Variants in FAM13C observed in about 807,000 individuals in gnomAD.
FAM13C encodes protein FAM13C.
FAM13C carries 37 observed loss-of-function variants against 73.2 expected under a neutral mutation model. The observed-to-expected ratio is 0.51, with a 90% confidence interval of 0.39 to 0.67. The LOEUF (loss-of-function observed/expected upper bound fraction) is 0.67, where lower values mean the gene tolerates loss of function less well. Among genes scored for constraint, FAM13C ranks in the 30% least tolerant of loss-of-function variants. FAM13C has a pLI of 0.00. For synonymous variants in FAM13C, 246 were observed against 260.9 expected, an observed-to-expected ratio of 0.94 and a Z score of 0.55; for missense variants, 589 against 715.6, an observed-to-expected ratio of 0.82 and a Z score of 2.02.
intron 3 of FAM13C, among the ~76,000 whole-genome samples, chr10:59,345,050 G>T (rs1854115024): frequency 6.6e-6 from 1 of 152,096 alleles, no homozygotes; most frequent in Non-Finnish European, 1.5e-5. Context: ...CTTTAAATTA[G>T]AATTTATTTA....
Position 59,328,039 on chromosome 10 carries a change from C to T in FAM13C, c.325-3933G>A, listed in dbSNP as rs565498600. Among the ~76,000 whole-genome samples the T allele has an allele frequency of 1.6e-4, 24 of 152,300 alleles. 1 individual carries two copies. In the East Asian group the frequency reaches 4.3e-3, roughly 27 times the overall value. ...ACCTGGAAGAAAAGGCATCCCACAT[C>T]TTTTCCTGTTCCCAGCCATCTTCAT... On this transcript the variant is annotated intron_variant, in intron 3 of 13. Transcript: ENST00000618804.
chr10:59,351,588 C>T (rs12573633), intron 3 of FAM13C, among the ~76,000 whole-genome samples: 25,648 of 152,140 alleles, frequency 0.17, 2,536 homozygotes, highest in East Asian at 0.33. Context: ...ACTGAGACTT[C>T]TGATTTTGCT....
At chr10:59,268,787 G>A in intron 7 of FAM13C, 96 bp from the exon 8 acceptor site, 1 of 1,432,854 alleles carries the variant, frequency 7.0e-7, no homozygotes, top group Non-Finnish European at 9.3e-7. Context: ...GATTGTCAGA[G>A]AAGTCCAGAG....
chr10:59,292,452 C>T (rs780083882), intron 5 of FAM13C, among the ~76,000 whole-genome samples: 1 of 152,260 alleles, frequency 6.6e-6, no homozygotes, highest in Non-Finnish European at 1.5e-5. Flanking sequence ...GGCCCTTAAT[C>T]TGGCTCATTC....
At chr10:59,298,147 G>C (rs1396824863) in intron 5 of FAM13C, among the ~76,000 whole-genome samples, 4 of 152,128 alleles carry the variant, frequency 2.6e-5, no homozygotes, top group Non-Finnish European at 5.9e-5. Context: ...TTTATAAGCT[G>C]GCATCTTAGG....
chr10:59,269,293 C>A (rs1008739204), intron 7 of FAM13C, among the ~76,000 whole-genome samples: 5 of 151,986 alleles, frequency 3.3e-5, no homozygotes, highest in African/African-American at 1.2e-4. Context: ...ATATTTTTAG[C>A]CAAGGGATTC....
chr10:59,297,168 G>C (rs1847017109), intron 5 of FAM13C: 1 of 152,156 alleles, frequency 6.6e-6, no homozygotes, highest in Non-Finnish European at 1.5e-5. Flanking sequence ...GCAACCTTGG[G>C]CATAAATGGA....
chr10:59,273,724 T>C (rs1165162677), intron 6 of FAM13C, among the ~76,000 whole-genome samples: 1 of 152,150 alleles, frequency 6.6e-6, no homozygotes, highest in African/African-American at 2.4e-5. Flanking sequence ...AGAGTGTTTC[T>C]GGCAGCACAG....
chr10:59,297,707 C>A (rs374572938), intron 5 of FAM13C, among the ~76,000 whole-genome samples: 12 of 152,264 alleles, frequency 7.9e-5, no homozygotes, highest in African/African-American at 2.4e-4. Context: ...GGATCTCAAA[C>A]CTTCTAAACA....
intron 3 of FAM13C, among the ~76,000 whole-genome samples, chr10:59,340,570 A>G (rs1446332408): frequency 6.6e-6 from 1 of 152,118 alleles, no homozygotes; most frequent in East Asian, 1.9e-4. Flanking sequence ...CCAACTGCTG[A>G]GTCCCTATTC....
intron 11 of FAM13C, chr10:59,254,068 A>C (rs546678803): frequency 1.7e-3 from 633 of 372,150 alleles, no homozygotes; most frequent in Non-Finnish European, 2.5e-3. Flanking sequence ...ACTGAAATCT[A>C]TCATTTCTTT....
At chr10:59,362,691 G>T, upstream of FAM13C, 1 of 960,402 alleles carries the variant, frequency 1.0e-6, no homozygotes, top group Non-Finnish European at 1.5e-6. Flanking sequence ...TGGGCGGGGC[G>T]CGGCGGCGGG....
chr10:59,360,469 A>G (rs1343509018), intron 1 of FAM13C, among the ~76,000 whole-genome samples: 7 of 152,148 alleles, frequency 4.6e-5, no homozygotes, highest in Non-Finnish European at 5.9e-5. Context: ...ACCACACCCA[A>G]ACATTTCCTG....
rs533180595 is a variant in FAM13C, at chr10:59,352,258, G to C, written c.324+12C>G. 2 of 1,613,142 alleles carry C rather than the reference G, an allele frequency of 1.2e-6. No individual in the cohort carries two copies. The highest frequency in any genetic ancestry group is 2.2e-5 in the South Asian group (2 of 91,032). Reference sequence around the variant, plus strand: ...CCGTCTTGGCAAAAGCCTGAGAAGAGAGAGCTGCTACCTGACTTTCTCCGT... The same window carrying C: ...CCGTCTTGGCAAAAGCCTGAGAAGACAGAGCTGCTACCTGACTTTCTCCGT... On this transcript the variant is annotated intron_variant, in intron 3 of 13. Transcript: ENST00000618804.
At chr10:59,339,802 G>A (rs1425133728) in intron 3 of FAM13C, among the ~76,000 whole-genome samples, 1 of 152,144 alleles carries the variant, frequency 6.6e-6, no homozygotes, top group East Asian at 1.9e-4. Context: ...CATAGGGCAG[G>A]TTGTTTTCAA....
chr10:59,357,592 G>C (rs1216234443), intron 1 of FAM13C, among the ~76,000 whole-genome samples: 2 of 152,212 alleles, frequency 1.3e-5, no homozygotes, highest in Non-Finnish European at 2.9e-5. Context: ...AACTCTCAGG[G>C]CTTAGGACAG....
intron 3 of FAM13C, among the ~76,000 whole-genome samples, chr10:59,337,978 C>A (rs190778): frequency 6.6e-6 from 1 of 151,844 alleles, no homozygotes; most frequent in Non-Finnish European, 1.5e-5. Flanking sequence ...CCATGCCCAG[C>A]CTGAACTTTT....
intron 5 of FAM13C, 138 bp downstream of exon 5, chr10:59,302,663 A>G (rs1847733615): frequency 2.7e-6 from 2 of 728,120 alleles, no homozygotes; most frequent in South Asian, 1.8e-5. Flanking sequence ...TGAACAAAGA[A>G]CTATAAGTAT....
chr10:59,266,592 A>T (rs1313701780), intron 8 of FAM13C, among the ~76,000 whole-genome samples: 1 of 152,208 alleles, frequency 6.6e-6, no homozygotes, highest in East Asian at 1.9e-4. Flanking sequence ...TTCTATAGAC[A>T]CTGAAGCAGC....
Sources: gnomAD v4.1 joint callset for allele counts (sites outside exome capture counted in the v4.1 genomes callset) on GRCh38, gnomAD v4.1.1 for gene constraint, MANE v1.5 for transcripts, NCBI Gene and HGNC (gene_info 2026-07-23, HGNC 2026-07-21) for gene names.